The following KDM4B variants were observed in gnomAD, a reference collection of about 807,000 sequenced individuals.
The protein encoded by KDM4B is lysine demethylase 4B.
Under a neutral mutation model 125.2 loss-of-function variants are expected in KDM4B, and 32 were observed. That is an observed-to-expected ratio of 0.26 (90% confidence interval 0.19 to 0.34). The LOEUF is 0.34. Ranked by LOEUF, KDM4B falls within the 10% of genes least tolerant of loss-of-function variation. The probability of loss-of-function intolerance (pLI) is 1.00; values close to 1 mark genes in which losing one functional copy is unlikely to be tolerated. For synonymous variants in KDM4B, 721 were observed against 677.9 expected (o/e 1.06, Z -0.99); for missense variants, 1,190 against 1,577.7 (o/e 0.75, Z 4.16).
At chr19:5,091,202 C>G (rs1196021874) in intron 9 of KDM4B, among the ~76,000 whole-genome samples, 1 of 152,196 alleles carries the variant, frequency 6.6e-6, no homozygotes, top group Non-Finnish European at 1.5e-5. Flanking sequence ...AGATAAGGGT[C>G]TCTCCTCCAG....
intron 9 of KDM4B, among the ~76,000 whole-genome samples, chr19:5,088,969 G>A (rs115287547): frequency 3.5e-4 from 53 of 152,298 alleles, no homozygotes; most frequent in African/African-American, 1.1e-3. Context: ...AGGCTACACC[G>A]TGCGAGACCC....
chr19:5,027,565 A>C (rs2036320207), intron 2 of KDM4B, among the ~76,000 whole-genome samples: 1 of 132,098 alleles, frequency 7.6e-6, no homozygotes. Flanking sequence ...TTTTTTTGAG[A>C]CGGAGTTTCT....
chr19:4,978,554 A>G (rs1033135533), intron 1 of KDM4B, among the ~76,000 whole-genome samples: 1 of 142,100 alleles, frequency 7.0e-6, no homozygotes, highest in South Asian at 2.3e-4. Context: ...AAGGCATCTC[A>G]TGTTACTGTC....
chr19:5,044,470 G>A (rs1002657702), intron 5 of KDM4B, among the ~76,000 whole-genome samples: 24 of 152,200 alleles, frequency 1.6e-4, no homozygotes, highest in Non-Finnish European at 3.1e-4. Context: ...GTGTTGATCA[G>A]TTCATCCGCT....
At chr19:5,084,400 A>G (rs1599582589) in intron 9 of KDM4B, among the ~76,000 whole-genome samples, 1 of 142,650 alleles carries the variant, frequency 7.0e-6, no homozygotes, top group South Asian at 2.1e-4. Context: ...TATAAAATAA[A>G]TTATATAAAT....
intron 10 of KDM4B, among the ~76,000 whole-genome samples, chr19:5,117,046 C>T (rs1195957051): frequency 6.6e-6 from 1 of 152,152 alleles, no homozygotes; most frequent in African/African-American, 2.4e-5. Context: ...GCTGTGCCCC[C>T]CTTGCTGTGT....
intron 9 of KDM4B, among the ~76,000 whole-genome samples, chr19:5,085,610 G>A (rs1216713234): frequency 2.6e-5 from 4 of 152,348 alleles, no homozygotes; most frequent in South Asian, 2.1e-4. Context: ...GGCGTGCAGC[G>A]CTCGAAACAC....
intron 1 of KDM4B, among the ~76,000 whole-genome samples, chr19:4,977,692 C>A (rs903013707): frequency 2.0e-5 from 3 of 152,210 alleles, no homozygotes; most frequent in African/African-American, 7.2e-5. Context: ...ACAGAGCCAG[C>A]CTGAAACTAC....
chr19:5,008,932 T>TA (rs1242501611), intron 1 of KDM4B, among the ~76,000 whole-genome samples: 47 of 126,002 alleles, frequency 3.7e-4, no homozygotes, highest in African/African-American at 1.2e-3. Flanking sequence ...TTTTTTTTTT[T>TA]AAAGACAGAG....
chr19:5,000,720 A>G (rs1170187620), intron 1 of KDM4B, among the ~76,000 whole-genome samples: 1 of 152,000 alleles, frequency 6.6e-6, no homozygotes, highest in Non-Finnish European at 1.5e-5. Context: ...CTGTGGTTAT[A>G]TTGTTTGCTT....
intron 6 of KDM4B, among the ~76,000 whole-genome samples, chr19:5,062,986 C>T (rs747802872): frequency 4.7e-4 from 71 of 151,548 alleles, no homozygotes; most frequent in Non-Finnish European, 1.0e-3. Flanking sequence ...TGTCTTATCC[C>T]TTCTGCTTGG....
At chr19:5,127,768 G>T (rs1180915379) in intron 11 of KDM4B, among the ~76,000 whole-genome samples, 1 of 152,074 alleles carries the variant, frequency 6.6e-6, no homozygotes, top group Non-Finnish European at 1.5e-5. Context: ...GACAGCCCCC[G>T]GGAGGCCTAG....
At position 5,035,267 on chromosome 19, in the gene KDM4B, C is replaced by T. The variant is rs2036581951; in HGVS notation, c.141+2236C>T. 1.3e-5 allele frequency among the ~76,000 whole-genome samples: 2 copies of T among 152,172 alleles called. No homozygotes were observed. The highest frequency in any genetic ancestry group is 2.9e-5 in the Non-Finnish European group (2 of 68,014). ...CTGGCACCGCATCTGCCTCTGTCTC[C>T]TGCCCTTGACCTACTTCCACATTTC... On this transcript the variant is annotated intron_variant, in intron 3 of 22. Coordinates refer to ENST00000159111, the MANE Select transcript of KDM4B (RefSeq NM_015015.3). The surrounding 1 kb of genome is among the most constrained non-coding windows in gnomAD (Gnocchi z 5.3).
chr19:4,977,000 A>G (rs371484971), intron 1 of KDM4B, among the ~76,000 whole-genome samples: 7 of 152,272 alleles, frequency 4.6e-5, no homozygotes, highest in African/African-American at 1.7e-4. Context: ...TTGGCTTTCA[A>G]AAGTTGCCTG....
In KDM4B at chr19:5,142,572, G is replaced by A. The variant is rs952691728; in HGVS notation, c.2551-1395G>A. ...GCTGGGTTTCTCCTGGGCCTGGGCC[G>A]AGGGGTGGAGGCCTGTGGGTGACGT... is the stretch of plus-strand genomic sequence containing the variant. On this transcript the variant is annotated intron_variant, in intron 18 of 22. Coordinates refer to ENST00000159111, the MANE Select transcript of KDM4B (RefSeq NM_015015.3). This position sits in a 1 kb window ranked among gnomAD's most constrained non-coding sequence, Gnocchi z 5.4. 6.6e-6 allele frequency among the ~76,000 whole-genome samples: 1 copy of A among 152,150 alleles called. No individual in the cohort carries two copies. The highest frequency in any genetic ancestry group is 1.5e-5 in the Non-Finnish European group (1 of 68,000).
At chr19:5,084,625 A>T (rs905473581) in intron 9 of KDM4B, among the ~76,000 whole-genome samples, 13 of 144,490 alleles carry the variant, frequency 9.0e-5, no homozygotes, top group Non-Finnish European at 1.7e-4. Context: ...CATAATTTAT[A>T]TATATAAATT....
At chr19:4,985,927 G>T (rs1163672211) in intron 1 of KDM4B, among the ~76,000 whole-genome samples, 1 of 152,220 alleles carries the variant, frequency 6.6e-6, no homozygotes, top group East Asian at 1.9e-4. Context: ...TGTGTGTTCT[G>T]CACCGGCCGT....
At chr19:5,086,192 GC>G (rs1162682150) in intron 9 of KDM4B, among the ~76,000 whole-genome samples, 36 of 148,854 alleles carry the variant, frequency 2.4e-4, no homozygotes, top group Middle Eastern at 3.4e-3. Context: ...AGGGACCCCT[GC>G]CCCCCCCCAC....
intron 1 of KDM4B, among the ~76,000 whole-genome samples, chr19:5,004,428 C>T (rs1006163960): frequency 2.0e-5 from 3 of 151,926 alleles, no homozygotes; most frequent in Non-Finnish European, 4.4e-5. Flanking sequence ...GCCCTTGCTG[C>T]CCCCCGGGCT....
Sources: gnomAD v4.1 joint callset for allele counts (sites outside exome capture counted in the v4.1 genomes callset) on GRCh38, gnomAD v4.1.1 for gene constraint, Gnocchi (gnomAD v3.1) non-coding constraint, MANE v1.5 for transcripts, NCBI Gene and HGNC (gene_info 2026-07-23, HGNC 2026-07-21) for gene names.